RFPL1: variants seen among roughly 807,000 people sequenced by gnomAD.
RFPL1 encodes the protein ret finger protein-like 1.
RFPL1 carries 6 observed loss-of-function variants against 9.6 expected under a neutral mutation model. The observed-to-expected ratio is 0.62, with a 90% CI of 0.34 to 1.23. RFPL1 has a LOEUF of 1.23. Ranked by LOEUF, RFPL1 falls within the 50% of genes most tolerant of loss-of-function variation. The pLI is 0.03. For missense variants in RFPL1, 352 were observed against 398.4 expected (o/e 0.88, Z 0.99); for synonymous variants, 145 against 149.4 (o/e 0.97, Z 0.22).
the RFPL1 span, among the ~76,000 whole-genome samples, chr22:29,402,922 T>G: frequency 1 from 123,370 of 123,374 alleles, 61,685 homozygotes; most frequent in Middle Eastern, 1. Flanking sequence ...GAGCCATTGG[T>G]TGGGTCTGTG....
chr22:29,416,455 A>C, the RFPL1 span, among the ~76,000 whole-genome samples: 1 of 152,170 alleles, frequency 6.6e-6, no homozygotes, highest in Non-Finnish European at 1.5e-5. Flanking sequence ...TGACCGTCCT[A>C]AAGAAAGATG....
upstream of RFPL1, among the ~76,000 whole-genome samples, chr22:29,436,319 G>C (rs1199403698): frequency 6.6e-6 from 1 of 151,976 alleles, no homozygotes; most frequent in South Asian, 2.1e-4. Context: ...AAATACAGGC[G>C]GTGGCTCACG....
the RFPL1 span, among the ~76,000 whole-genome samples, chr22:29,417,275 G>A: frequency 6.6e-6 from 1 of 151,948 alleles, no homozygotes; most frequent in Non-Finnish European, 1.5e-5. Context: ...CTGGGTGAAG[G>A]AGAGCAGCTT....
At chr22:29,396,078 G>T in the RFPL1 span, among the ~76,000 whole-genome samples, 1 of 151,824 alleles carries the variant, frequency 6.6e-6, no homozygotes, top group African/African-American at 2.4e-5. Context: ...GAAGATAAGA[G>T]AAAAGAGAAG....
At chr22:29,412,640 C>T in the RFPL1 span, among the ~76,000 whole-genome samples, 6 of 152,290 alleles carry the variant, frequency 3.9e-5, no homozygotes, top group African/African-American at 1.4e-4. Context: ...TTGTTCTTAT[C>T]CCAGAGCTCA....
chr22:29,392,559 T>G, the RFPL1 span, among the ~76,000 whole-genome samples: 1 of 151,920 alleles, frequency 6.6e-6, no homozygotes, highest in Admixed American at 6.6e-5. Flanking sequence ...CTGGTTAATT[T>G]TTGTATTTGT....
the RFPL1 span, among the ~76,000 whole-genome samples, chr22:29,420,152 C>A: frequency 4.6e-5 from 7 of 152,240 alleles, no homozygotes; most frequent in Non-Finnish European, 7.3e-5. Context: ...CAAGTGGTTG[C>A]TCAGCTCTGA....
the RFPL1 span, among the ~76,000 whole-genome samples, chr22:29,426,839 A>G: frequency 2.0e-5 from 3 of 152,132 alleles, no homozygotes; most frequent in Non-Finnish European, 4.4e-5. Flanking sequence ...TTTCTGTAAT[A>G]TCTTACAAGG....
the RFPL1 span, among the ~76,000 whole-genome samples, chr22:29,393,615 C>T: frequency 1.4e-4 from 21 of 152,256 alleles, no homozygotes; most frequent in African/African-American, 4.3e-4. Flanking sequence ...TCTGAGACCC[C>T]AGGCCCAGGA....
the RFPL1 span, among the ~76,000 whole-genome samples, chr22:29,392,964 G>A: frequency 6.6e-6 from 1 of 152,338 alleles, no homozygotes; most frequent in Admixed American, 6.5e-5. Flanking sequence ...GAACACTGGG[G>A]ATGCAACAGT....
upstream of RFPL1, chr22:29,437,788 T>C: frequency 6.7e-7 from 1 of 1,497,112 alleles, no homozygotes. Flanking sequence ...ATGGGGGTTA[T>C]GCCTTGGGGG....
chr22:29,399,362 C>T, the RFPL1 span, among the ~76,000 whole-genome samples: 3 of 152,026 alleles, frequency 2.0e-5, no homozygotes, highest in African/African-American at 4.8e-5. Context: ...GTCATGGATA[C>T]GTATTTTTGT....
chr22:29,423,910 G>T, the RFPL1 span, among the ~76,000 whole-genome samples: 1 of 152,284 alleles, frequency 6.6e-6, no homozygotes, highest in East Asian at 1.9e-4. Context: ...AAGTACTATT[G>T]TAAGACAATA....
At chr22:29,424,459 A>C in the RFPL1 span, among the ~76,000 whole-genome samples, 3 of 137,920 alleles carry the variant, frequency 2.2e-5, no homozygotes, top group Admixed American at 1.4e-4. Flanking sequence ...ACTGCTTTGA[A>C]TCCCATTTTA....
the RFPL1 span, among the ~76,000 whole-genome samples, chr22:29,418,503 T>TG: frequency 2.8e-5 from 4 of 145,430 alleles, no homozygotes; most frequent in Non-Finnish European, 6.0e-5. Flanking sequence ...CTTCTTTTTT[T>TG]TTTTTTTTTT....
chr22:29,415,823 A>C, the RFPL1 span, among the ~76,000 whole-genome samples: 2 of 152,206 alleles, frequency 1.3e-5, no homozygotes, highest in African/African-American at 2.4e-5. Flanking sequence ...GGGGGTAAGC[A>C]AGGCAAGTAT....
chr22:29,424,656 TAAA>T, the RFPL1 span, among the ~76,000 whole-genome samples: 148 of 121,798 alleles, frequency 1.2e-3, no homozygotes, highest in Middle Eastern at 4.1e-3. Context: ...AAGGACAAAG[TAAA>T]AAAAAAAAAA....
At chr22:29,424,616 G>GA in the RFPL1 span, among the ~76,000 whole-genome samples, 5 of 141,928 alleles carry the variant, frequency 3.5e-5, no homozygotes, top group Middle Eastern at 3.6e-3. Flanking sequence ...TCCCGCTTCT[G>GA]AAAAGGAGGA....
the RFPL1 span, among the ~76,000 whole-genome samples, chr22:29,412,952 C>A: frequency 2.0e-5 from 3 of 152,038 alleles, no homozygotes; most frequent in African/African-American, 7.2e-5. Context: ...CAAGAGCGCC[C>A]CCTGCTGGAA....
Sources: gnomAD v4.1 joint callset for allele counts (sites outside exome capture counted in the v4.1 genomes callset) on GRCh38, gnomAD v4.1.1 for gene constraint, MANE v1.5 for transcripts, NCBI Gene and HGNC (gene_info 2026-07-23, HGNC 2026-07-21) for gene names.